Variants in DEFB112 observed in about 807,000 individuals in gnomAD.
DEFB112 encodes defensin beta 112, also known as beta-defensin 112.
A neutral mutation model predicts 1.1 loss-of-function variants in DEFB112; 2 were observed. The ratio of observed to expected loss-of-function variants is 1.85; its 90% CI spans 0.76 to 5.83. The LOEUF is 5.83. Among genes scored for constraint, DEFB112 ranks in the 30% most tolerant of loss-of-function variants. The pLI is 0.05. For synonymous variants in DEFB112, 40 were observed against 31.2 expected, an observed-to-expected ratio of 1.28 and a Z score of -0.93; for missense variants, 120 against 94.4, an observed-to-expected ratio of 1.27 and a Z score of -1.12.
In DEFB112 at chr6:50,042,678, G is replaced by A. The variant is rs771205661; in HGVS notation, c.*897C>T. Among the ~76,000 whole-genome samples the A allele has an allele frequency of 6.6e-6, 1 of 151,924 alleles. No homozygotes were observed. Among genetic ancestry groups the A allele is most frequent in the Non-Finnish European group, 1.5e-5 (1 of 67,926 alleles). Reference sequence around the variant, plus strand: ...GGGGAAAATCTTTAATCTAGGTGAGGTATTAAGACCAACTGCTGACCCTTT... The same window carrying A: ...GGGGAAAATCTTTAATCTAGGTGAGATATTAAGACCAACTGCTGACCCTTT... On this transcript the variant is annotated 3_prime_UTR_variant, in exon 2 of 2. Coordinates refer to ENST00000651554, the MANE Select transcript of DEFB112 (RefSeq NM_001369057.2).
intron 1 of DEFB112, among the ~76,000 whole-genome samples, chr6:50,044,567 C>G (rs1774803328): frequency 6.6e-6 from 1 of 152,076 alleles, no homozygotes; most frequent in South Asian, 2.1e-4. Flanking sequence ...TAGAAGGTCT[C>G]TCTGTCACTA....
intron 1 of DEFB112, among the ~76,000 whole-genome samples, chr6:50,045,862 T>C (rs992648457): frequency 6.6e-6 from 1 of 152,176 alleles, no homozygotes; most frequent in Non-Finnish European, 1.5e-5. Context: ...CTGTTTATAC[T>C]GATAGTCCCC....
Position 50,048,700 on chromosome 6 carries a change from C to T in DEFB112, c.58+1112G>A, listed in dbSNP as rs368572348. 1.4e-4 allele frequency: 194 copies of T among 1,377,774 alleles called. No individual in the cohort carries two copies. In the African/African-American group the frequency reaches 2.6e-3, roughly 19 times the overall value. The allele number at this position is 1,377,774 out of a possible 1,614,324, so 85.3% of individuals were successfully genotyped here. A position where few individuals can be genotyped will look rare whatever the true frequency, so the allele number is the denominator to read the frequency against. On this transcript the variant is annotated intron_variant, in intron 1 of 1. Coordinates refer to ENST00000651554, the MANE Select transcript of DEFB112 (RefSeq NM_001369057.2). ...AGCTCACTGTAAAGTGAAAAAATTA[C>T]TTTAAAAGTAGGAGGAAAAATATTT...
chr6:50,048,740 A>G, intron 1 of DEFB112: 2 of 891,108 alleles, frequency 2.2e-6, no homozygotes, highest in Non-Finnish European at 3.5e-6. Flanking sequence ...AAATAAGGAC[A>G]CAAATGTAGT....
intron 1 of DEFB112, among the ~76,000 whole-genome samples, chr6:50,046,523 A>G (rs1774837268): frequency 6.6e-6 from 1 of 152,072 alleles, no homozygotes; most frequent in African/African-American, 2.4e-5. Context: ...GTTCTGTTGA[A>G]TGTATGGTGG....
In DEFB112 at chr6:50,048,564, G is replaced by A. The variant is rs560045743; in HGVS notation, c.58+1248C>T. 49 of 1,613,340 alleles carry A rather than the reference G, an allele frequency of 3.0e-5. 1 individual carries two copies. Among genetic ancestry groups the A allele is most frequent in the South Asian group, 1.8e-4 (16 of 91,062 alleles). ...GTGCTGATTTTCTCTGTCCCATGTC[G>A]GGCCTTTTCAAATATTGTGGAAGAT... On this transcript the variant is annotated intron_variant, in intron 1 of 1. Coordinates refer to ENST00000651554, the MANE Select transcript of DEFB112 (RefSeq NM_001369057.2).
rs267601068 is a variant in DEFB112, at chr6:50,043,749, C to T, written c.111G>A (p.Ala37=). ...ATTGATTTTTACATCGACCTCCAAT[C>T]GCTGTACATGACTTCCACCTACTAA... The part of the protein sequence containing the change: ...ITFSRWKSCT[A]IGGRCKNQCD... Residue 37 remains alanine, a synonymous_variant, in exon 2 of 2, where the codon GCG becomes GCA. Coordinates refer to ENST00000651554, the MANE Select transcript of DEFB112 (RefSeq NM_001369057.2). The T allele has an allele frequency of 1.3e-5, 21 of 1,613,320 alleles. No individual in the cohort carries two copies. In the East Asian group the frequency reaches 1.8e-4, roughly 14 times the overall value.
intron 1 of DEFB112, among the ~76,000 whole-genome samples, chr6:50,044,614 A>C (rs1470795787): frequency 6.6e-6 from 1 of 152,112 alleles, no homozygotes; most frequent in Admixed American, 6.6e-5. Flanking sequence ...ATATTCATTT[A>C]TTCTCTGTAT....
At chr6:50,045,929 C>T (rs755685519) in intron 1 of DEFB112, among the ~76,000 whole-genome samples, 5 of 152,048 alleles carry the variant, frequency 3.3e-5, no homozygotes, top group East Asian at 1.9e-4. Context: ...AAAAGACATA[C>T]GTTCAGTGGA....
At chr6:50,045,731 T>G (rs887523172) in intron 1 of DEFB112, among the ~76,000 whole-genome samples, 6 of 152,136 alleles carry the variant, frequency 3.9e-5, no homozygotes, top group Non-Finnish European at 8.8e-5. Context: ...AGGTATAGCC[T>G]ATTACTCCTG....
chr6:50,044,418 AC>A (rs1172898825), intron 1 of DEFB112, among the ~76,000 whole-genome samples: 2 of 152,100 alleles, frequency 1.3e-5, no homozygotes, highest in African/African-American at 4.8e-5. Flanking sequence ...TTCTAGTTCT[AC>A]TTTGCCATTT....
At position 50,043,517 on chromosome 6, in the gene DEFB112, T is replaced by G. The variant is rs899328157; in HGVS notation, c.*58A>C. 16 of 1,312,576 alleles carry G rather than the reference T, an allele frequency of 1.2e-5. No individual in the cohort carries two copies. The African/African-American group carries it at 1.6e-4, about 13-fold the overall frequency. The allele number at this position is 1,312,576 out of a possible 1,614,324, so 81.3% of individuals were successfully genotyped here. ...TGGAAATTATAGGTCATTAATGAAG[T>G]GATGAAATAATGAGAGGACTTCATT... On this transcript the variant is annotated 3_prime_UTR_variant, in exon 2 of 2. Transcript: ENST00000651554.
Position 50,048,519 on chromosome 6 carries a change from C to T in DEFB112, c.58+1293G>A, listed in dbSNP as rs112599844. ...TGATTAAAATGTGCAAGACACAATT[C>T]TACTTATTTTGTTTTACCTGTGCTG... On this transcript the variant is annotated intron_variant, in intron 1 of 1. Coordinates refer to ENST00000651554, the MANE Select transcript of DEFB112 (RefSeq NM_001369057.2). The T allele has an allele frequency of 1.1e-3, 1,754 of 1,581,800 alleles. 12 individuals are homozygous for T. In the East Asian group the frequency reaches 0.014, roughly 13 times the overall value.
intron 1 of DEFB112, among the ~76,000 whole-genome samples, chr6:50,048,999 G>C (rs1024064344): frequency 6.6e-6 from 1 of 152,000 alleles, no homozygotes. Context: ...TTGTACCTCA[G>C]AAAAGTTCTA....
At position 50,042,412 on chromosome 6, in the gene DEFB112, A is replaced by G. The variant is rs1774759141; in HGVS notation, c.*1163T>C. ...TGAAATGTGTATATGTCACAGCAGC[A>G]TAAGAAACCTACCAGGTACAAGTAG... On this transcript the variant is annotated 3_prime_UTR_variant, in exon 2 of 2. Transcript: ENST00000651554. Among the ~76,000 whole-genome samples, 1 of 152,078 alleles carries G rather than the reference A, an allele frequency of 6.6e-6. No homozygotes were observed. The highest frequency in any genetic ancestry group is 1.5e-5 in the Non-Finnish European group (1 of 67,958).
At chr6:50,043,960 A>C (rs1774792084) in intron 1 of DEFB112, among the ~76,000 whole-genome samples, 159 bp from the exon 2 acceptor site, 1 of 152,136 alleles carries the variant, frequency 6.6e-6, no homozygotes, top group South Asian at 2.1e-4. Flanking sequence ...CAAGGAAACC[A>C]ACAAGTATAC....
intron 1 of DEFB112, chr6:50,048,519 C>G (rs112599844): frequency 7.6e-6 from 12 of 1,581,686 alleles, no homozygotes; most frequent in Admixed American, 3.3e-5. Context: ...AGACACAATT[C>G]TACTTATTTT....
At chr6:50,044,451 C>T (rs1774801682) in intron 1 of DEFB112, among the ~76,000 whole-genome samples, 1 of 151,994 alleles carries the variant, frequency 6.6e-6, no homozygotes, top group South Asian at 2.1e-4. Context: ...CCTGAAGTTT[C>T]CAATGCTATA....
intron 1 of DEFB112, 26 bp from the exon 2 acceptor site, chr6:50,043,827 A>G: frequency 6.3e-7 from 1 of 1,598,276 alleles, no homozygotes; most frequent in Non-Finnish European, 8.6e-7. Flanking sequence ...AACAGCTGGA[A>G]TTAGTAATCT....
Sources: allele counts gnomAD v4.1 joint callset (sites outside exome capture counted in the v4.1 genomes callset), GRCh38; gene constraint gnomAD v4.1.1; transcripts MANE v1.5; gene names NCBI Gene and HGNC (gene_info 2026-07-23, HGNC 2026-07-21).